The following WNT10A variants were observed in gnomAD, a reference collection of about 807,000 sequenced individuals.
The protein encoded by WNT10A is Wnt family member 10A.
WNT10A carries 37 observed loss-of-function variants against 36.1 expected under a neutral mutation model. That is an observed-to-expected ratio of 1.02 (90% CI 0.79 to 1.35). The LOEUF is 1.35. Ranked by LOEUF, WNT10A falls within the 40% of genes most tolerant of loss-of-function variation. The probability of loss-of-function intolerance (pLI) is 0.00; values close to 1 mark genes in which losing one functional copy is unlikely to be tolerated. For synonymous variants in WNT10A, 255 were observed against 254.1 expected, an observed-to-expected ratio of 1.00 and a Z score of -0.03; for missense variants, 613 against 601.4, an observed-to-expected ratio of 1.02 and a Z score of -0.20.
rs763413351 is a variant in WNT10A, at chr2:218,892,939, G to T, written c.922G>T (p.Gly308Cys). 1.4e-6 allele frequency: 2 copies of T among 1,476,264 alleles called. No homozygotes were observed. Among genetic ancestry groups the T allele is most frequent in the Non-Finnish European group, 1.8e-6 (2 of 1,116,396 alleles). The allele number at this position is 1,476,264 out of a possible 1,614,324, so 91.4% of individuals were successfully genotyped here. A position where few individuals can be genotyped will look rare whatever the true frequency, so the allele number is the denominator to read the frequency against. The change falls in exon 4 of 4, where the codon GGC (glycine) becomes TGC (cysteine). Residue 308 changes from glycine (G) to cysteine (C), a missense_variant. Coordinates refer to ENST00000258411, the MANE Select transcript of WNT10A (RefSeq NM_025216.3). ...CATCCGGCCGCACAACCGCAACGGCGGCCAGCTGGAGCCGGGCCCAGCGGG... is the reference window on the plus strand; with the variant it reads ...CATCCGGCCGCACAACCGCAACGGCTGCCAGCTGGAGCCGGGCCCAGCGGG... ...TLIRPHNRNGGQLEPGPAGAP... is the reference protein window; with the variant it reads ...TLIRPHNRNGCQLEPGPAGAP...
upstream of WNT10A, among the ~76,000 whole-genome samples, chr2:218,878,328 C>T (rs540496718): frequency 6.6e-6 from 1 of 152,282 alleles, no homozygotes; most frequent in Non-Finnish European, 1.5e-5. This position sits in a 1 kb window ranked among gnomAD's most constrained non-coding sequence, Gnocchi z 4.1. Context: ...CTCCTAGACC[C>T]TCCTGACACC....
chr2:218,887,329 G>A (rs1391324098), intron 2 of WNT10A, among the ~76,000 whole-genome samples: 2 of 152,114 alleles, frequency 1.3e-5, no homozygotes, highest in Admixed American at 6.5e-5. Context: ...TCTGAGTATT[G>A]CCATTGTGTC....
At chr2:218,881,568 GTT>G (rs111665955) in intron 1 of WNT10A, among the ~76,000 whole-genome samples, 39 of 150,512 alleles carry the variant, frequency 2.6e-4, no homozygotes, top group African/African-American at 4.4e-4. Context: ...GTGTGTGTGT[GTT>G]TTCAATCGAG....
rs779449131 is a variant in WNT10A at position 218,893,022 on chromosome 2, C to T, written c.1005C>T (p.Asp335=). 35 of 1,592,004 alleles carry T rather than the reference C, an allele frequency of 2.2e-5. No individual in the cohort carries two copies. The highest frequency in any genetic ancestry group is 3.3e-5 in the Admixed American group (2 of 59,742). Residue 335 remains aspartate (D), a synonymous_variant, in exon 4 of 4, where the codon GAC becomes GAT. Transcript: ENST00000258411. The surrounding 1 kb of genome is among the most constrained non-coding windows in gnomAD (Gnocchi z 6.3). ...PGPRRRASPA[D]LVYFEKSPDF... ...CGCGCCGACGGGCCAGCCCCGCCGA[C>T]CTGGTCTACTTCGAAAAGTCTCCCG...
In WNT10A at chr2:218,890,141, A is replaced by G. The variant is rs746227205; in HGVS notation, c.534A>G (p.Gln178=). 9.4e-5 allele frequency: 152 copies of G among 1,614,012 alleles called. No individual in the cohort carries two copies. In the Admixed American group the frequency reaches 2.5e-3, roughly 27 times the overall value. Residue 178 remains glutamine, a synonymous_variant, in exon 3 of 4, where the codon CAA becomes CAG. Coordinates refer to ENST00000258411, the MANE Select transcript of WNT10A (RefSeq NM_025216.3). ...TCCGTAGGAAGCTGCACCGCTTACA[A>G]CTGGATGCACTGCAGCGTGGTAAGG... The part of the protein sequence containing the change: ...EAFRRKLHRL[Q]LDALQRGKGL...
At chr2:218,875,826 G>C in the WNT10A span, among the ~76,000 whole-genome samples, 1 of 152,240 alleles carries the variant, frequency 6.6e-6, no homozygotes, top group Non-Finnish European at 1.5e-5. Flanking sequence ...AATGGGGACA[G>C]ACATATGATG....
Position 218,892,812 on chromosome 2 carries a change from C to T in WNT10A, c.795C>T (p.His265=). Residue 265 remains histidine (H), a synonymous_variant, in exon 4 of 4, where the codon CAC becomes CAT. Coordinates refer to ENST00000258411, the MANE Select transcript of WNT10A (RefSeq NM_025216.3). ...ACATGCGGCGGAAGTGCAAGTGCCA[C>T]GGCACGTCAGGCAGCTGCCAGCTCA... The part of the protein sequence containing the change: ...MENMRRKCKC[H]GTSGSCQLKT... The T allele has an allele frequency of 6.3e-7, 1 of 1,596,902 alleles. No homozygotes were observed. Among genetic ancestry groups the T allele is most frequent in the Non-Finnish European group, 8.5e-7 (1 of 1,173,254 alleles).
chr2:218,879,168 G>T (rs1187863764), upstream of WNT10A, among the ~76,000 whole-genome samples: 1 of 151,698 alleles, frequency 6.6e-6, no homozygotes, highest in Non-Finnish European at 1.5e-5. Flanking sequence ...GGAGGGGGGA[G>T]TATGCCGTCA....
In WNT10A at chr2:218,890,023, C is replaced by G; in HGVS notation, c.416C>G (p.Ala139Gly). 6.2e-7 allele frequency: 1 copy of G among 1,613,770 alleles called. No individual in the cohort carries two copies. Among genetic ancestry groups the G allele is most frequent in the Non-Finnish European group, 8.5e-7 (1 of 1,180,042 alleles). Residue 139 changes from alanine to glycine, a missense_variant, in exon 3 of 4, where the codon GCT becomes GGT. By Grantham distance (60) the Ala-to-Gly change is moderately conservative. Transcript: ENST00000258411. The part of the protein sequence containing the change: ...ESAFAYAIAA[A>G]GVVHAVSNAC... ...GCTTTTGCCTACGCCATCGCAGCAG[C>G]TGGCGTGGTGCACGCCGTGTCCAAT...
rs748996849 is a variant in WNT10A at position 218,892,790 on chromosome 2, T to C, written c.773T>C (p.Met258Thr). The change falls in exon 4 of 4, where the codon ATG becomes ACG. Residue 258 changes from methionine (M) to threonine (T), a missense_variant. Coordinates refer to ENST00000258411, the MANE Select transcript of WNT10A (RefSeq NM_025216.3). ...CCTCCGCAGGCAGTGATGGAGAACA[T>C]GCGGCGGAAGTGCAAGTGCCACGGC... The part of the protein sequence containing the change: ...RVGRQAVMEN[M>T]RRKCKCHGTS... 6.3e-7 allele frequency: 1 copy of C among 1,595,108 alleles called. No individual in the cohort carries two copies. The highest frequency in any genetic ancestry group is 1.3e-5 in the African/African-American group (1 of 74,612).
At chr2:218,891,987 G>A (rs559576820) in intron 3 of WNT10A, among the ~76,000 whole-genome samples, 264 of 152,180 alleles carry the variant, frequency 1.7e-3, no homozygotes, top group African/African-American at 6.1e-3. Context: ...GCTGGGTTGC[G>A]TTCCCATAAC....
chr2:218,890,947 ATAAAT>A (rs1265603878), intron 3 of WNT10A, among the ~76,000 whole-genome samples: 5 of 152,232 alleles, frequency 3.3e-5, no homozygotes, highest in Non-Finnish European at 7.3e-5. Flanking sequence ...TTCATTAAAA[ATAAAT>A]TAAATACATA....
chr2:218,876,194 G>C (rs939302491), upstream of WNT10A, among the ~76,000 whole-genome samples: 4 of 152,222 alleles, frequency 2.6e-5, no homozygotes, highest in Non-Finnish European at 4.4e-5. Flanking sequence ...ACCTTGCTTA[G>C]TTCAGCTTGG....
chr2:218,877,095 T>TG (rs982154714), upstream of WNT10A, among the ~76,000 whole-genome samples: 1 of 152,140 alleles, frequency 6.6e-6, no homozygotes, highest in African/African-American at 2.4e-5. The surrounding 1 kb of genome is among the most constrained non-coding windows in gnomAD (Gnocchi z 4.1). Flanking sequence ...GGAGGGAAGC[T>TG]GGGGAAGTGG....
intron 3 of WNT10A, 35 bp from the exon 4 acceptor site, chr2:218,892,739 C>T (rs971122494): frequency 4.5e-6 from 7 of 1,558,170 alleles, no homozygotes; most frequent in Non-Finnish European, 6.1e-6. Flanking sequence ...TGGGGCTGCG[C>T]GCCGTGTCAC....
upstream of WNT10A, among the ~76,000 whole-genome samples, chr2:218,877,770 CA>C (rs1261976031): frequency 6.6e-6 from 1 of 152,216 alleles, no homozygotes; most frequent in East Asian, 1.9e-4. This position sits in a 1 kb window ranked among gnomAD's most constrained non-coding sequence, Gnocchi z 4.1. Flanking sequence ...GAGACTGCAG[CA>C]GCAAGCCATT....
intron 2 of WNT10A, among the ~76,000 whole-genome samples, chr2:218,886,184 C>T (rs994739520): frequency 6.6e-6 from 1 of 152,044 alleles, no homozygotes; most frequent in Non-Finnish European, 1.5e-5. Context: ...GGGAGCATGC[C>T]AAGAAGTGAA....
Position 218,888,198 on chromosome 2 carries a change from C to T in WNT10A, c.377-1786C>T, listed in dbSNP as rs144612450. On this transcript the variant is annotated intron_variant, in intron 2 of 3. Transcript: ENST00000258411. ...GCTTCTCTTGCTGCCTGCCCCCTCT[C>T]TGGTGTGCGGAGGCTGGTTGGAGAC... is the stretch of plus-strand genomic sequence containing the variant. 3.7e-3 allele frequency among the ~76,000 whole-genome samples: 558 copies of T among 152,366 alleles called. 3 individuals carry two copies. Among genetic ancestry groups the T allele is most frequent in the African/African-American group, 0.012 (509 of 41,586 alleles).
chr2:218,879,135 T>A (rs1207449493), upstream of WNT10A, among the ~76,000 whole-genome samples: 2 of 131,260 alleles, frequency 1.5e-5, no homozygotes, highest in Non-Finnish European at 3.2e-5. Flanking sequence ...CTGCGGTGGC[T>A]GCCGGCAGAG....
Sources: gnomAD v4.1 joint callset for allele counts (sites outside exome capture counted in the v4.1 genomes callset) on GRCh38, gnomAD v4.1.1 for gene constraint, Gnocchi (gnomAD v3.1) non-coding constraint, MANE v1.5 for transcripts, NCBI Gene and HGNC (gene_info 2026-07-23, HGNC 2026-07-21) for gene names.